Variants in FRMD6 observed in about 807,000 individuals in gnomAD.
FRMD6 encodes FERM domain-containing protein 6.
In FRMD6, 37 loss-of-function variants were observed where a neutral mutation model predicts 73.2. The ratio of observed to expected loss-of-function variants is 0.51; its 90% CI spans 0.39 to 0.66. The LOEUF (loss-of-function observed/expected upper bound fraction) is 0.66, where lower values mean the gene tolerates loss of function less well. Ranked by LOEUF, FRMD6 falls within the 30% of genes least tolerant of loss-of-function variation. The pLI is 0.00. For synonymous variants in FRMD6, 273 were observed against 282.2 expected (o/e 0.97, Z 0.33); for missense variants, 714 against 780.5 (o/e 0.91, Z 1.02).
rs985609645 is a variant in FRMD6 at position 51,503,688 on chromosome 14, T to G, written c.-210+14268T>G. ...ATTGGGCTGAAGTTTTTTGTTTTTT[T>G]TTTTTGTATCTCTGCTGGGTTTTAT... On this transcript the variant is annotated intron_variant, in intron 1 of 14. Transcript: ENST00000356218. 8.8e-3 allele frequency among the ~76,000 whole-genome samples: 1,345 copies of G among 152,082 alleles called. 15 individuals are homozygous for G. The highest frequency in any genetic ancestry group is 0.015 in the Non-Finnish European group (988 of 67,982).
At chr14:51,641,270 C>T (rs1891797091) in intron 2 of FRMD6, among the ~76,000 whole-genome samples, 1 of 152,188 alleles carries the variant, frequency 6.6e-6, no homozygotes, top group South Asian at 2.1e-4. Context: ...TGTGAGCCAC[C>T]ATGCCCTGCC....
chr14:51,694,770 C>T (rs1895832379), intron 2 of FRMD6, among the ~76,000 whole-genome samples: 1 of 152,170 alleles, frequency 6.6e-6, no homozygotes, highest in African/African-American at 2.4e-5. Flanking sequence ...TACTATATAG[C>T]ACTTTTTAAC....
At chr14:51,481,694 T>C in the FRMD6 span, among the ~76,000 whole-genome samples, 553 of 152,364 alleles carry the variant, frequency 3.6e-3, 3 homozygotes, top group African/African-American at 0.013. Context: ...AAGCAACTTA[T>C]ATCCCAGGCC....
chr14:51,607,220 G>A (rs541899359), intron 2 of FRMD6, among the ~76,000 whole-genome samples: 130 of 152,228 alleles, frequency 8.5e-4, no homozygotes, highest in Non-Finnish European at 1.6e-3. Flanking sequence ...TGCTGTGGGG[G>A]ACAGCGGGAG....
At chr14:51,665,885 A>T (rs555299119) in intron 1 of FRMD6, among the ~76,000 whole-genome samples, 20 of 152,150 alleles carry the variant, frequency 1.3e-4, no homozygotes, top group Non-Finnish European at 2.6e-4. Flanking sequence ...CCGCCATATG[A>T]GTTGTGCCTT....
At chr14:51,703,069 T>C (rs1896423091) in intron 5 of FRMD6, among the ~76,000 whole-genome samples, 1 of 152,038 alleles carries the variant, frequency 6.6e-6, no homozygotes, top group South Asian at 2.1e-4. Flanking sequence ...TTTGGGGTCT[T>C]GTTTATATTC....
At chr14:51,675,908 C>T (rs2140271365) in intron 1 of FRMD6, among the ~76,000 whole-genome samples, 1 of 151,906 alleles carries the variant, frequency 6.6e-6, no homozygotes, top group Non-Finnish European at 1.5e-5. Flanking sequence ...CTCCAAAGCC[C>T]TTTTCTGGTT....
At chr14:51,404,699 A>T in the FRMD6 span, among the ~76,000 whole-genome samples, 4 of 152,266 alleles carry the variant, frequency 2.6e-5, no homozygotes, top group East Asian at 7.7e-4. Context: ...CACAAGCCAC[A>T]TGTATGCTTT....
the FRMD6 span, among the ~76,000 whole-genome samples, chr14:51,472,821 C>T: frequency 6.6e-6 from 1 of 152,154 alleles, no homozygotes; most frequent in Non-Finnish European, 1.5e-5. Context: ...CACTGAGGCG[C>T]CAGGAATCTT....
At chr14:51,662,879 T>G (rs911559170) in intron 1 of FRMD6, among the ~76,000 whole-genome samples, 2 of 152,076 alleles carry the variant, frequency 1.3e-5, no homozygotes, top group African/African-American at 4.8e-5. Flanking sequence ...ATTTGCAAAG[T>G]ATGTACTGAC....
intron 1 of FRMD6, chr14:51,547,902 A>G (rs952789658): frequency 2.6e-5 from 4 of 151,814 alleles, no homozygotes; most frequent in Non-Finnish European, 5.9e-5. Flanking sequence ...AAAAAAAAAA[A>G]CTATCTTGGG....
At chr14:51,541,054 C>T (rs1402223847) in intron 1 of FRMD6, among the ~76,000 whole-genome samples, 1 of 151,962 alleles carries the variant, frequency 6.6e-6, no homozygotes, top group African/African-American at 2.4e-5. Context: ...AACTTGAGTC[C>T]CTTCTTCTGA....
At chr14:51,628,881 T>TC (rs1388570829) in intron 2 of FRMD6, among the ~76,000 whole-genome samples, 75 of 130,170 alleles carry the variant, frequency 5.8e-4, no homozygotes, top group African/African-American at 9.5e-4. Flanking sequence ...TCTTTTCTTT[T>TC]TTTTTTTTTT....
chr14:51,576,591 A>G (rs1010468090), intron 2 of FRMD6, among the ~76,000 whole-genome samples: 4 of 152,080 alleles, frequency 2.6e-5, no homozygotes, highest in Admixed American at 1.3e-4. Flanking sequence ...ATGAGTGGAT[A>G]TCACCTTGTA....
the FRMD6 span, among the ~76,000 whole-genome samples, chr14:51,435,569 A>G: frequency 5.9e-5 from 9 of 152,368 alleles, no homozygotes; most frequent in Admixed American, 3.9e-4. Context: ...AGTACAAACT[A>G]CAGATGATCA....
intron 1 of FRMD6, among the ~76,000 whole-genome samples, chr14:51,567,401 C>G (rs1307305717): frequency 6.6e-6 from 1 of 152,148 alleles, no homozygotes; most frequent in African/African-American, 2.4e-5. Context: ...GACTGGAGTA[C>G]AGTGGAGGCA....
intron 2 of FRMD6, among the ~76,000 whole-genome samples, chr14:51,574,623 T>C (rs1888308938): frequency 6.6e-6 from 1 of 152,056 alleles, no homozygotes. Context: ...ATTAAAACAA[T>C]TGAACTCATG....
chr14:51,410,365 C>T, the FRMD6 span, among the ~76,000 whole-genome samples: 2 of 152,246 alleles, frequency 1.3e-5, no homozygotes, highest in African/African-American at 2.4e-5. Context: ...AAAGGAGGCT[C>T]ATTTTTCTGT....
intron 1 of FRMD6, among the ~76,000 whole-genome samples, chr14:51,493,858 T>A (rs1883149728): frequency 6.6e-6 from 1 of 152,196 alleles, no homozygotes; most frequent in Non-Finnish European, 1.5e-5. Flanking sequence ...TATCATAAAT[T>A]TGCATGGCTT....
Sources: allele counts gnomAD v4.1 joint callset (sites outside exome capture counted in the v4.1 genomes callset), GRCh38; gene constraint gnomAD v4.1.1; transcripts MANE v1.5; gene names NCBI Gene and HGNC (gene_info 2026-07-23, HGNC 2026-07-21).